The following NECAB1 variants were observed in gnomAD, a reference collection of about 807,000 sequenced individuals.
NECAB1 encodes the protein N-terminal EF-hand calcium-binding protein 1.
NECAB1 carries 29 observed loss-of-function variants against 57.5 expected under a neutral mutation model. That is an observed-to-expected ratio of 0.50 (90% CI 0.38 to 0.69). The LOEUF is 0.69. NECAB1 is among the 30% of genes least tolerant of loss of function. The pLI, the probability that NECAB1 is intolerant of heterozygous loss-of-function variation, is 0.00. For missense variants in NECAB1, 372 were observed against 413.8 expected, an observed-to-expected ratio of 0.90 and a Z score of 0.88; for synonymous variants, 142 against 147.7, an observed-to-expected ratio of 0.96 and a Z score of 0.28.
chr8:90,948,580 T>A (rs1456190050), intron 10 of NECAB1, among the ~76,000 whole-genome samples: 3 of 152,222 alleles, frequency 2.0e-5, no homozygotes, highest in African/African-American at 7.2e-5. Flanking sequence ...CCAAAAGCCT[T>A]ATTGTTTTTC....
intron 10 of NECAB1, among the ~76,000 whole-genome samples, chr8:90,943,186 G>A (rs867037697): frequency 3.9e-5 from 6 of 152,250 alleles, no homozygotes; most frequent in Middle Eastern, 3.4e-3. Flanking sequence ...GATTTGTGCC[G>A]CCTGCTGCAA....
Position 90,894,052 on chromosome 8 carries a change from T to G in NECAB1, c.357+12922T>G, listed in dbSNP as rs867927908. Among the ~76,000 whole-genome samples, 8 of 152,270 alleles carry G rather than the reference T, an allele frequency of 5.3e-5. No individual in the cohort carries two copies. In the Middle Eastern group the frequency reaches 0.014, roughly 259 times the overall value. ...CATAGGTGAGTAATATTTTTAGAAT[T>G]TCTTAGAAACAGAGGCTGATTTTCA... On this transcript the variant is annotated intron_variant, in intron 5 of 12. Coordinates refer to ENST00000417640, the MANE Select transcript of NECAB1 (RefSeq NM_022351.5).
At chr8:90,928,347 G>A in intron 8 of NECAB1, 48 bp downstream of exon 8, 1 of 1,392,550 alleles carries the variant, frequency 7.2e-7, no homozygotes, top group Non-Finnish European at 1.0e-6. Context: ...TCAAGATATT[G>A]TTACCTAATA....
chr8:90,842,770 C>A (rs764283214), intron 3 of NECAB1, among the ~76,000 whole-genome samples: 2 of 152,280 alleles, frequency 1.3e-5, no homozygotes, highest in African/African-American at 2.4e-5. Flanking sequence ...GATGTCAGAA[C>A]ATTATGCATG....
At chr8:90,944,281 T>C (rs1256920094) in intron 10 of NECAB1, among the ~76,000 whole-genome samples, 1 of 152,250 alleles carries the variant, frequency 6.6e-6, no homozygotes, top group African/African-American at 2.4e-5. Flanking sequence ...TCTTGCTTTC[T>C]TAAATTCAGG....
intron 9 of NECAB1, among the ~76,000 whole-genome samples, chr8:90,934,704 A>G (rs1007740276): frequency 6.6e-6 from 1 of 152,186 alleles, no homozygotes; most frequent in Non-Finnish European, 1.5e-5. Flanking sequence ...TACACTGGAT[A>G]TACCTGAGCG....
intron 10 of NECAB1, among the ~76,000 whole-genome samples, chr8:90,943,831 A>AG (rs1212859128): frequency 6.6e-6 from 1 of 152,202 alleles, no homozygotes; most frequent in Non-Finnish European, 1.5e-5. Flanking sequence ...GGCTCACTGC[A>AG]GCCTCAACTT....
At chr8:90,836,591 T>C (rs1812373494) in intron 3 of NECAB1, among the ~76,000 whole-genome samples, 1 of 152,200 alleles carries the variant, frequency 6.6e-6, no homozygotes, top group South Asian at 2.1e-4. Flanking sequence ...CTCATTGCTG[T>C]CAGATTAAAA....
rs563597357 is a variant in NECAB1 at position 90,820,917 on chromosome 8, GTTAA to G, written c.125-3797_125-3794del. 2.3e-3 allele frequency among the ~76,000 whole-genome samples: 352 copies of G among 151,944 alleles called. 1 individual carries two copies. Among genetic ancestry groups the G allele is most frequent in the African/African-American group, 7.9e-3 (327 of 41,484 alleles). ...ACTCTTACTATGTGCTAGGTGCTGT[GTTAA>G]TTGTTTTCTATATAGCCTTTCTCTT... On this transcript the variant is annotated intron_variant, in intron 2 of 12. Transcript: ENST00000417640.
intron 3 of NECAB1, among the ~76,000 whole-genome samples, chr8:90,860,655 C>T (rs1035052001): frequency 1.1e-4 from 17 of 152,238 alleles, no homozygotes; most frequent in African/African-American, 3.9e-4. Flanking sequence ...TAGCTTTTGT[C>T]AGATTCTCAG....
chr8:90,909,258 A>G (rs1413946838), intron 5 of NECAB1, among the ~76,000 whole-genome samples: 2 of 152,164 alleles, frequency 1.3e-5, no homozygotes, highest in Non-Finnish European at 2.9e-5. Flanking sequence ...AAATTCTGCC[A>G]GTCATATATT....
chr8:90,858,749 T>C (rs1812842161), intron 3 of NECAB1, among the ~76,000 whole-genome samples: 1 of 152,178 alleles, frequency 6.6e-6, no homozygotes, highest in Non-Finnish European at 1.5e-5. Context: ...TTTCATTCCA[T>C]TGGCTCGTAA....
intron 9 of NECAB1, among the ~76,000 whole-genome samples, chr8:90,937,961 AAG>A (rs1810578460): frequency 6.6e-6 from 1 of 152,202 alleles, no homozygotes; most frequent in South Asian, 2.1e-4. Context: ...AATGGTTGTT[AAG>A]AGAGTCAGTG....
chr8:90,953,109 A>G (rs1379773431), intron 12 of NECAB1, among the ~76,000 whole-genome samples: 1 of 152,152 alleles, frequency 6.6e-6, no homozygotes, highest in Non-Finnish European at 1.5e-5. Context: ...CTCCCAAACC[A>G]ATGTGGAAAG....
chr8:90,958,759 C>A lies in NECAB1; in HGVS notation c.*3247C>A. 2 of 397,800 alleles carry A rather than the reference C, an allele frequency of 5.0e-6. No homozygotes were observed. Among genetic ancestry groups the A allele is most frequent in the Non-Finnish European group, 4.5e-6 (1 of 223,386 alleles). 24.6% of individuals were successfully genotyped at this position (397,800 alleles called of 1,614,324 possible). On this transcript the variant is annotated 3_prime_UTR_variant, in exon 13 of 13. Transcript: ENST00000417640. ...GCAAATTATAAATATACAGTCTTCC[C>A]ACTTCACTAACCAAATTCCTACTTT...
chr8:90,824,907 A>G (rs1268264865), intron 3 of NECAB1, 82 bp downstream of exon 3: 8 of 708,898 alleles, frequency 1.1e-5, no homozygotes, highest in Non-Finnish European at 1.8e-5. Context: ...GAAGAAAGGG[A>G]AGAACAATAT....
chr8:90,905,675 T>A (rs1430113401), intron 5 of NECAB1, among the ~76,000 whole-genome samples: 1 of 152,210 alleles, frequency 6.6e-6, no homozygotes, highest in Non-Finnish European at 1.5e-5. Context: ...TACCTTTGTT[T>A]AATACTGCAA....
At chr8:90,796,037 A>C (rs1021347613) in intron 1 of NECAB1, among the ~76,000 whole-genome samples, 6 of 152,186 alleles carry the variant, frequency 3.9e-5, no homozygotes, top group Non-Finnish European at 5.9e-5. Flanking sequence ...CTGTTATCAT[A>C]CATTAAAAAT....
intron 10 of NECAB1, among the ~76,000 whole-genome samples, chr8:90,944,286 T>G (rs1186349277): frequency 2.0e-5 from 3 of 152,214 alleles, no homozygotes; most frequent in Non-Finnish European, 4.4e-5. Flanking sequence ...CTTTCTTAAA[T>G]TCAGGCCACT....
Sources: allele counts gnomAD v4.1 joint callset (sites outside exome capture counted in the v4.1 genomes callset), GRCh38; gene constraint gnomAD v4.1.1; transcripts MANE v1.5; gene names NCBI Gene and HGNC (gene_info 2026-07-23, HGNC 2026-07-21).